The following FAM227B variants were observed in gnomAD, a reference collection of about 807,000 sequenced individuals.
FAM227B encodes protein FAM227B.
In FAM227B, 88 loss-of-function variants were observed where a neutral mutation model predicts 73.8. The ratio of observed to expected loss-of-function variants is 1.19; its 90% CI spans 1.00 to 1.42. The LOEUF is 1.42. Ranked by LOEUF, FAM227B falls within the 40% of genes most tolerant of loss-of-function variation. The probability of loss-of-function intolerance (pLI) is 0.00; values close to 1 mark genes in which losing one functional copy is unlikely to be tolerated. For synonymous variants in FAM227B, 210 were observed against 190.5 expected, an observed-to-expected ratio of 1.10 and a Z score of -0.84; for missense variants, 632 against 590.9, an observed-to-expected ratio of 1.07 and a Z score of -0.72.
chr15:49,530,813 T>C (rs897293905), intron 10 of FAM227B, among the ~76,000 whole-genome samples: 1 of 151,558 alleles, frequency 6.6e-6, no homozygotes, highest in African/African-American at 2.4e-5. Context: ...GAAGAAAATA[T>C]ATTTTTATTA....
intron 11 of FAM227B, among the ~76,000 whole-genome samples, chr15:49,489,836 ATATTTTATATATATATATATATTTT>A (rs1207261054): frequency 1.6e-4 from 5 of 31,574 alleles, no homozygotes; most frequent in South Asian, 1.1e-3. Flanking sequence ...ATATATATAT[ATATTTTATATATATATATATATTTT>A]ATATATATAT....
rs187770313 is a variant in FAM227B at position 49,424,080 on chromosome 15, T to C, written c.1013-52681A>G. 17 of 429,138 alleles carry C rather than the reference T, an allele frequency of 4.0e-5. No homozygotes were observed. The Admixed American group carries it at 6.6e-4, about 17-fold the overall frequency. The allele number at this position is 429,138 out of a possible 1,614,324, so 26.6% of individuals were successfully genotyped here. On this transcript the variant is annotated intron_variant, in intron 11 of 15. Transcript: ENST00000299338. Reference sequence around the variant, plus strand: ...CAGCAACTGAACTTACTACGAACTGTTTTTATGAGGATTTATCAACAGAGT... The same window carrying C: ...CAGCAACTGAACTTACTACGAACTGCTTTTATGAGGATTTATCAACAGAGT...
chr15:49,562,341 T>C (rs1230055042), intron 9 of FAM227B, among the ~76,000 whole-genome samples: 1 of 151,784 alleles, frequency 6.6e-6, no homozygotes, highest in East Asian at 1.9e-4. Context: ...AATTCTGAAG[T>C]TAAATCAGTA....
chr15:49,613,703 A>G (rs2078103912), intron 2 of FAM227B, among the ~76,000 whole-genome samples: 1 of 152,188 alleles, frequency 6.6e-6, no homozygotes, highest in South Asian at 2.1e-4. Flanking sequence ...TAATTATTAT[A>G]TATTGTATGT....
chr15:49,331,328 G>A (rs963241329), intron 15 of FAM227B: 2 of 153,846 alleles, frequency 1.3e-5, no homozygotes, highest in Admixed American at 1.3e-4. Context: ...AAATCAGAAA[G>A]ATGGAACAGG....
intron 13 of FAM227B, chr15:49,366,763 C>T (rs2045280246): frequency 2.8e-6 from 2 of 707,198 alleles, no homozygotes; most frequent in Non-Finnish European, 4.6e-6. Flanking sequence ...CACTGCGCTG[C>T]CTCCGTGGCG....
At chr15:49,530,069 T>C (rs1430903013) in intron 10 of FAM227B, among the ~76,000 whole-genome samples, 2 of 151,846 alleles carry the variant, frequency 1.3e-5, no homozygotes, top group Non-Finnish European at 3.0e-5. Context: ...AGTTTTACTA[T>C]TGACTGTCTA....
At chr15:49,440,543 C>T (rs929099185) in intron 11 of FAM227B, among the ~76,000 whole-genome samples, 1 of 151,652 alleles carries the variant, frequency 6.6e-6, no homozygotes, top group Non-Finnish European at 1.5e-5. Flanking sequence ...TATTGTTGTA[C>T]AGTCATACAG....
rs571518766 is a variant in FAM227B, at chr15:49,528,639, A to G, written c.874+13041T>C. Among the ~76,000 whole-genome samples, 248 of 151,410 alleles carry G rather than the reference A, an allele frequency of 1.6e-3. 1 individual carries two copies. The highest frequency in any genetic ancestry group is 3.4e-3 in the Middle Eastern group (1 of 294). ...TTTCACAATCTACAAACAACAAGAG[A>G]AAAACACTCCATTAAAAAGTGGGCA... is the stretch of plus-strand genomic sequence containing the variant. On this transcript the variant is annotated intron_variant, in intron 10 of 15. Coordinates refer to ENST00000299338, the MANE Select transcript of FAM227B (RefSeq NM_152647.3).
In FAM227B at chr15:49,510,073, AC is replaced by A. The variant is rs373023397; in HGVS notation, c.875-1726del. On this transcript the variant is annotated intron_variant, in intron 10 of 15. Transcript: ENST00000299338. Reference sequence around the variant, plus strand: ...TCTGGGACCCATAACCATAGCACACACAAAAAAGGGCTATATTGTTACATTT... The same window carrying A: ...TCTGGGACCCATAACCATAGCACACAAAAAAAGGGCTATATTGTTACATTT... 2.1e-4 allele frequency among the ~76,000 whole-genome samples: 32 copies of A among 152,032 alleles called. No homozygotes were observed. The East Asian group carries it at 4.5e-3, about 21-fold the overall frequency.
intron 10 of FAM227B, among the ~76,000 whole-genome samples, chr15:49,531,481 A>T (rs765222713): frequency 6.6e-6 from 1 of 152,040 alleles, no homozygotes; most frequent in Non-Finnish European, 1.5e-5. Context: ...CAACTTGCAA[A>T]TATTTAAAAT....
chr15:49,388,239 A>T (rs1373683595), intron 11 of FAM227B, among the ~76,000 whole-genome samples: 2 of 151,942 alleles, frequency 1.3e-5, no homozygotes, highest in African/African-American at 4.8e-5. Flanking sequence ...TTATACTATA[A>T]GCCTGCAGTT....
chr15:49,524,769 T>A (rs188436776), intron 10 of FAM227B, among the ~76,000 whole-genome samples: 1 of 152,322 alleles, frequency 6.6e-6, no homozygotes, highest in East Asian at 1.9e-4. Flanking sequence ...ACCTCTTGCA[T>A]CAGTGTGACC....
At chr15:49,535,212 A>C (rs2060918808) in intron 10 of FAM227B, among the ~76,000 whole-genome samples, 1 of 151,770 alleles carries the variant, frequency 6.6e-6, no homozygotes, top group South Asian at 2.1e-4. Context: ...AGAATATTCA[A>C]ATAAATACAA....
intron 11 of FAM227B, among the ~76,000 whole-genome samples, chr15:49,408,783 A>G (rs962759367): frequency 2.0e-5 from 3 of 151,704 alleles, no homozygotes; most frequent in Admixed American, 1.3e-4. Context: ...ATAATGCAAT[A>G]TAATTTCAAA....
At chr15:49,515,562 A>C (rs7178143) in intron 10 of FAM227B, among the ~76,000 whole-genome samples, 44,972 of 152,008 alleles carry the variant, frequency 0.3, 6,968 homozygotes, top group East Asian at 0.38. Flanking sequence ...GCAGTGTAGT[A>C]AAGATGAGGT....
intron 9 of FAM227B, among the ~76,000 whole-genome samples, chr15:49,559,703 G>A (rs748501802): frequency 2.6e-5 from 4 of 152,146 alleles, no homozygotes; most frequent in Non-Finnish European, 5.9e-5. Context: ...TTGGGAGGCT[G>A]AGGCAGGCAG....
intron 9 of FAM227B, among the ~76,000 whole-genome samples, chr15:49,554,564 C>A (rs2073430331): frequency 6.6e-6 from 1 of 152,158 alleles, no homozygotes; most frequent in South Asian, 2.1e-4. Flanking sequence ...GGTTTTCTTT[C>A]TGCTCTAACA....
intron 3 of FAM227B, among the ~76,000 whole-genome samples, chr15:49,609,860 C>T (rs2077771641): frequency 6.6e-6 from 1 of 151,768 alleles, no homozygotes; most frequent in South Asian, 2.1e-4. Flanking sequence ...TACAGAGAAA[C>T]CTATAAATGA....
Sources: allele counts gnomAD v4.1 joint callset (sites outside exome capture counted in the v4.1 genomes callset), GRCh38; gene constraint gnomAD v4.1.1; transcripts MANE v1.5; gene names NCBI Gene and HGNC (gene_info 2026-07-23, HGNC 2026-07-21).